The following MORC1 variants were observed in gnomAD, a reference collection of about 807,000 sequenced individuals.
MORC1 encodes the protein MORC family CW-type zinc finger 1, also known as MORC family CW-type zinc finger protein 1.
Under a neutral mutation model 134.9 loss-of-function variants are expected in MORC1, and 59 were observed. The observed-to-expected ratio is 0.44, with a 90% confidence interval of 0.35 to 0.54. The LOEUF (loss-of-function observed/expected upper bound fraction) is 0.54, where lower values mean the gene tolerates loss of function less well. Ranked by LOEUF, MORC1 falls within the 20% of genes least tolerant of loss-of-function variation. The pLI is 0.00. For missense variants in MORC1, 947 were observed against 1,134.5 expected, an observed-to-expected ratio of 0.83 and a Z score of 2.37; for synonymous variants, 395 against 391.7, an observed-to-expected ratio of 1.01 and a Z score of -0.10.
chr3:109,004,788 T>A (rs775655799), intron 20 of MORC1, 29 bp downstream of exon 20: 1 of 1,599,024 alleles, frequency 6.3e-7, no homozygotes, highest in Non-Finnish European at 8.6e-7. Context: ...ATTTCTCCCT[T>A]AAATACAAAT....
chr3:109,088,579 T>A (rs768410208), intron 8 of MORC1, among the ~76,000 whole-genome samples: 1 of 152,164 alleles, frequency 6.6e-6, no homozygotes, highest in Non-Finnish European at 1.5e-5. Flanking sequence ...TTGGAGAGGC[T>A]GCAGAGAAAA....
In MORC1 at chr3:109,067,528, C is replaced by T. The variant is rs77561174; in HGVS notation, c.815+2104G>A. 7.0e-4 allele frequency among the ~76,000 whole-genome samples: 107 copies of T among 152,236 alleles called. 1 individual carries two copies. The East Asian group carries it at 0.02, about 28-fold the overall frequency. On this transcript the variant is annotated intron_variant, in intron 9 of 27. Transcript: ENST00000232603. ...ATTACACTCAATTTACTAAAACTCCCTCAGAAAATAGAGACAAATCCACAT... is the reference window on the plus strand; with the variant it reads ...ATTACACTCAATTTACTAAAACTCCTTCAGAAAATAGAGACAAATCCACAT...
chr3:108,996,501 G>C (rs762393788), intron 21 of MORC1, among the ~76,000 whole-genome samples: 3 of 152,156 alleles, frequency 2.0e-5, no homozygotes, highest in Non-Finnish European at 4.4e-5. Context: ...AGAGCATTTG[G>C]AAAAGGATTA....
chr3:108,992,812 T>A (rs1948102947), intron 21 of MORC1, among the ~76,000 whole-genome samples: 1 of 152,182 alleles, frequency 6.6e-6, no homozygotes, highest in Non-Finnish European at 1.5e-5. Context: ...ATCTTCCACA[T>A]AAGCTCACTC....
At chr3:109,089,966 T>C (rs1004060225) in intron 8 of MORC1, among the ~76,000 whole-genome samples, 16 of 152,162 alleles carry the variant, frequency 1.1e-4, no homozygotes, top group Admixed American at 7.9e-4. Flanking sequence ...TTTCTGCATA[T>C]AGCCCTGGAA....
chr3:109,044,967 GA>G (rs1347128721), intron 14 of MORC1, among the ~76,000 whole-genome samples: 4 of 145,452 alleles, frequency 2.8e-5, no homozygotes, highest in Non-Finnish European at 4.6e-5. Flanking sequence ...AAAAGAAAAA[GA>G]AATACAACAT....
intron 14 of MORC1, 61 bp from the exon 15 acceptor site, chr3:109,035,529 G>A: frequency 1.8e-6 from 2 of 1,104,238 alleles, no homozygotes; most frequent in Non-Finnish European, 2.5e-6. Flanking sequence ...CAAAACAATT[G>A]GCAAAGGGAA....
At chr3:109,095,882 G>A (rs368708482) in intron 6 of MORC1, among the ~76,000 whole-genome samples, 2 of 151,994 alleles carry the variant, frequency 1.3e-5, no homozygotes, top group East Asian at 3.9e-4. Flanking sequence ...AATCATAGCA[G>A]CCAGGCCCCA....
intron 17 of MORC1, among the ~76,000 whole-genome samples, chr3:109,025,379 C>CCTTT (rs1949050115): frequency 9.5e-6 from 1 of 105,100 alleles, no homozygotes; most frequent in Non-Finnish European, 1.9e-5. Context: ...TTTCTTTTTT[C>CCTTT]TTTTTTTTTT....
At chr3:109,107,326 C>T (rs887384960) in intron 3 of MORC1, among the ~76,000 whole-genome samples, 4 of 152,122 alleles carry the variant, frequency 2.6e-5, no homozygotes, top group Admixed American at 1.3e-4. Flanking sequence ...ATGGTTCCTA[C>T]ACTTTTTTGG....
intron 8 of MORC1, among the ~76,000 whole-genome samples, chr3:109,084,340 A>G (rs1197263806): frequency 2.0e-5 from 3 of 152,190 alleles, no homozygotes; most frequent in Non-Finnish European, 4.4e-5. Context: ...TACAATTAGT[A>G]GCATTTCTAT....
chr3:109,041,575 G>A (rs1350159873), intron 14 of MORC1, among the ~76,000 whole-genome samples: 5 of 151,950 alleles, frequency 3.3e-5, no homozygotes, highest in Admixed American at 1.3e-4. Context: ...TAGCCCGGGC[G>A]CCATGGCTCA....
At chr3:109,022,628 GTT>G (rs1031173910) in intron 17 of MORC1, among the ~76,000 whole-genome samples, 1 of 152,174 alleles carries the variant, frequency 6.6e-6, no homozygotes, top group Non-Finnish European at 1.5e-5. Context: ...AAATACAACA[GTT>G]TATTGTGACC....
At chr3:109,081,099 G>A (rs1349849389) in intron 8 of MORC1, among the ~76,000 whole-genome samples, 1 of 152,056 alleles carries the variant, frequency 6.6e-6, no homozygotes, top group Non-Finnish European at 1.5e-5. Flanking sequence ...GATTCTTAGA[G>A]TAAATTATAA....
At chr3:109,001,862 GC>G (rs1157636087) in intron 20 of MORC1, among the ~76,000 whole-genome samples, 1 of 152,172 alleles carries the variant, frequency 6.6e-6, no homozygotes, top group Non-Finnish European at 1.5e-5. Flanking sequence ...CCTCTTGGAA[GC>G]CTCAAATTAT....
intron 4 of MORC1, among the ~76,000 whole-genome samples, chr3:109,103,060 T>C (rs1457174271): frequency 1.3e-5 from 2 of 152,186 alleles, no homozygotes; most frequent in Non-Finnish European, 1.5e-5. Flanking sequence ...TATCAGCAAA[T>C]CAATATTTGA....
At chr3:108,961,736 T>C (rs1429283529) in intron 27 of MORC1, among the ~76,000 whole-genome samples, 1 of 152,222 alleles carries the variant, frequency 6.6e-6, no homozygotes, top group Admixed American at 6.5e-5. Flanking sequence ...CCAAACTTTG[T>C]GAATACAGCA....
chr3:108,963,923 A>G (rs1270108678), intron 26 of MORC1, among the ~76,000 whole-genome samples: 2 of 152,234 alleles, frequency 1.3e-5, no homozygotes, highest in Non-Finnish European at 2.9e-5. Flanking sequence ...TGTTCTCCCA[A>G]TGGCGATCAC....
chr3:109,100,466 G>A lies in MORC1; in HGVS notation c.265C>T (p.Arg89Trp), dbSNP rs1453242500. 13 of 1,613,582 alleles carry A rather than the reference G, an allele frequency of 8.1e-6. No individual in the cohort carries two copies. The highest frequency in any genetic ancestry group is 1.3e-5 in the African/African-American group (1 of 74,994). Residue 89 changes from arginine to tryptophan, a missense_variant, in exon 5 of 28, where the codon CGG becomes TGG. Arg to Trp is a moderately radical substitution (Grantham distance 101, BLOSUM62 -3). Coordinates refer to ENST00000232603, the MANE Select transcript of MORC1 (RefSeq NM_014429.4). ...DIIYFGRSKK[R>W]LSTLKFIGQY... ...CCTATGAACTTCAAGGTTGACAGCC[G>A]TTTTTTGGATCGTCCAAAGTAAATG...
Sources: allele counts gnomAD v4.1 joint callset (sites outside exome capture counted in the v4.1 genomes callset), GRCh38; gene constraint gnomAD v4.1.1; transcripts MANE v1.5; gene names NCBI Gene and HGNC (gene_info 2026-07-23, HGNC 2026-07-21).